Variants in SLC39A11 observed in about 807,000 individuals in gnomAD.
SLC39A11 encodes solute carrier family 39 member 11.
Under a neutral mutation model 36.1 loss-of-function variants are expected in SLC39A11, and 33 were observed. The observed-to-expected ratio is 0.91, with a 90% CI of 0.69 to 1.22. SLC39A11 has a LOEUF of 1.22. Ranked by LOEUF, SLC39A11 falls within the 50% of genes most tolerant of loss-of-function variation. The probability of loss-of-function intolerance (pLI) is 0.00; values close to 1 mark genes in which losing one functional copy is unlikely to be tolerated. For synonymous variants in SLC39A11, 166 were observed against 170.3 expected, an observed-to-expected ratio of 0.97 and a Z score of 0.20; for missense variants, 432 against 430.3, an observed-to-expected ratio of 1.00 and a Z score of -0.03.
At chr17:72,895,257 G>A (rs1485564982) in intron 5 of SLC39A11, among the ~76,000 whole-genome samples, 1 of 152,128 alleles carries the variant, frequency 6.6e-6, no homozygotes, top group East Asian at 1.9e-4. Flanking sequence ...TGCACAGGAA[G>A]AAGAAAACAG....
chr17:72,934,352 C>G (rs1451736898), intron 5 of SLC39A11, among the ~76,000 whole-genome samples: 3 of 152,078 alleles, frequency 2.0e-5, no homozygotes, highest in Non-Finnish European at 4.4e-5. Flanking sequence ...GACAAAGGTC[C>G]TCTATGCAGA....
chr17:72,981,343 A>G (rs983998566), intron 4 of SLC39A11, among the ~76,000 whole-genome samples: 5 of 152,114 alleles, frequency 3.3e-5, no homozygotes, highest in African/African-American at 1.2e-4. Flanking sequence ...TTTATTATTC[A>G]CCTTAGGACT....
rs71359751 is a variant in SLC39A11 at position 72,955,298 on chromosome 17, CTT to C, written c.307-7425_307-7424del. On this transcript the variant is annotated intron_variant, in intron 4 of 9. Coordinates refer to ENST00000255559, the MANE Select transcript of SLC39A11 (RefSeq NM_139177.4). ...GAATAGGCTTTAACTTTTCAGTTCT[CTT>C]TTTTTTTTTTTTTTTTTTGTTTGAG... 1.2e-3 allele frequency among the ~76,000 whole-genome samples: 78 copies of C among 65,572 alleles called. 2 individuals are homozygous for C. In the South Asian group the frequency reaches 0.028, roughly 23 times the overall value. The allele number at this position is 65,572 out of a possible 152,430, so 43.0% of individuals were successfully genotyped here.
At chr17:72,922,985 A>G (rs868401658) in intron 5 of SLC39A11, among the ~76,000 whole-genome samples, 2 of 149,310 alleles carry the variant, frequency 1.3e-5, no homozygotes, top group African/African-American at 2.5e-5. Flanking sequence ...AAAAAAAAAA[A>G]AAAAACACAC....
intron 7 of SLC39A11, among the ~76,000 whole-genome samples, chr17:72,687,225 C>T (rs1567946398): frequency 6.6e-6 from 1 of 151,372 alleles, no homozygotes; most frequent in African/African-American, 2.4e-5. Flanking sequence ...GACACAGGGT[C>T]TCACTACGTT....
chr17:72,724,711 T>C (rs2073850615), intron 7 of SLC39A11, among the ~76,000 whole-genome samples: 1 of 152,034 alleles, frequency 6.6e-6, no homozygotes, highest in Admixed American at 6.5e-5. Context: ...AGGGATTTTC[T>C]GCCAAGTGCA....
intron 5 of SLC39A11, among the ~76,000 whole-genome samples, chr17:72,910,079 A>G (rs2082900922): frequency 6.6e-6 from 1 of 152,080 alleles, no homozygotes; most frequent in African/African-American, 2.4e-5. Context: ...CAGTTACAGC[A>G]GAAGGTTGGA....
Position 72,836,397 on chromosome 17 carries a change from G to A in SLC39A11, c.601+13237C>T, listed in dbSNP as rs1455133660. On this transcript the variant is annotated intron_variant, in intron 6 of 9. Coordinates refer to ENST00000255559, the MANE Select transcript of SLC39A11 (RefSeq NM_139177.4). ...GCTCTGTTACCCAGGCTGGAGTGCA[G>A]CGGCACGATCTCAGTTTTCTGCAGC... 4.0e-5 allele frequency among the ~76,000 whole-genome samples: 6 copies of A among 151,530 alleles called. No individual in the cohort carries two copies. The East Asian group carries it at 7.8e-4, about 20-fold the overall frequency.
rs185185478 is a variant in SLC39A11 at position 72,659,979 on chromosome 17, G to A, written c.672-10711C>T. Among the ~76,000 whole-genome samples the A allele has an allele frequency of 7.0e-4, 106 of 152,216 alleles. No individual in the cohort carries two copies. The Middle Eastern group carries it at 0.017, about 24-fold the overall frequency. On this transcript the variant is annotated intron_variant, in intron 7 of 9. Transcript: ENST00000255559. ...GTTAAACACCCCAGCCATACCTCAGGTGTTTTCCAAGGCCGGAGTGCGAAG... is the reference window on the plus strand; with the variant it reads ...GTTAAACACCCCAGCCATACCTCAGATGTTTTCCAAGGCCGGAGTGCGAAG...
At chr17:73,000,932 G>A (rs1051060474) in intron 4 of SLC39A11, among the ~76,000 whole-genome samples, 2 of 152,138 alleles carry the variant, frequency 1.3e-5, no homozygotes, top group African/African-American at 4.8e-5. Flanking sequence ...CTATTGTTGT[G>A]AGCTTTACCC....
chr17:72,699,017 G>A (rs1254579463), intron 7 of SLC39A11, among the ~76,000 whole-genome samples: 1 of 152,082 alleles, frequency 6.6e-6, no homozygotes, highest in East Asian at 1.9e-4. Flanking sequence ...TTTTAGTAGA[G>A]ACGGGGTTTC....
intron 4 of SLC39A11, among the ~76,000 whole-genome samples, chr17:72,972,137 C>T (rs1002541848): frequency 3.9e-5 from 6 of 152,148 alleles, no homozygotes; most frequent in Non-Finnish European, 8.8e-5. Context: ...CACAGCCACT[C>T]AAATCTAAAT....
intron 5 of SLC39A11, among the ~76,000 whole-genome samples, chr17:72,853,896 A>G (rs2079501237): frequency 6.6e-6 from 1 of 152,190 alleles, no homozygotes; most frequent in Non-Finnish European, 1.5e-5. Context: ...GCAATTGCCA[A>G]GCACCTTGTG....
intron 2 of SLC39A11, among the ~76,000 whole-genome samples, chr17:73,085,131 G>C (rs1001008368): frequency 6.6e-6 from 1 of 152,152 alleles, no homozygotes; most frequent in African/African-American, 2.4e-5. Flanking sequence ...AATTACAACT[G>C]TAAACCTTTA....
chr17:72,712,760 AG>A (rs1196265355), intron 7 of SLC39A11: 1 of 152,218 alleles, frequency 6.6e-6, no homozygotes, highest in East Asian at 1.9e-4. Flanking sequence ...GTATTTTACT[AG>A]ACAACAGAGT....
chr17:72,718,401 T>G (rs182639673), intron 7 of SLC39A11, among the ~76,000 whole-genome samples: 62 of 152,280 alleles, frequency 4.1e-4, no homozygotes, highest in African/African-American at 1.4e-3. Flanking sequence ...ATCAGGCCAC[T>G]GCACCCCAGC....
At chr17:72,809,523 G>A (rs2077370167) in intron 6 of SLC39A11, among the ~76,000 whole-genome samples, 1 of 152,012 alleles carries the variant, frequency 6.6e-6, no homozygotes, top group South Asian at 2.1e-4. Context: ...GCAATCACCT[G>A]GACTCCATCT....
chr17:73,042,303 T>A lies in SLC39A11; in HGVS notation c.148-10589A>T, dbSNP rs980378042. Among the ~76,000 whole-genome samples, 3 of 152,270 alleles carry A rather than the reference T, an allele frequency of 2.0e-5. No individual in the cohort carries two copies. In the South Asian group the frequency reaches 6.2e-4, roughly 32 times the overall value. On this transcript the variant is annotated intron_variant, in intron 3 of 9. Transcript: ENST00000255559. ...GCTCACTTACAATGCACTGAATGTG[T>A]CAACTCTTCACACCTCTAAAAAGGT...
intron 3 of SLC39A11, among the ~76,000 whole-genome samples, chr17:73,076,157 G>C (rs1334812537): frequency 2.8e-5 from 4 of 144,962 alleles, no homozygotes; most frequent in Non-Finnish European, 4.5e-5. Flanking sequence ...TCATGCCTCA[G>C]GCAAAAAAAA....
Sources: gnomAD v4.1 joint callset for allele counts (sites outside exome capture counted in the v4.1 genomes callset) on GRCh38, gnomAD v4.1.1 for gene constraint, MANE v1.5 for transcripts, NCBI Gene and HGNC (gene_info 2026-07-23, HGNC 2026-07-21) for gene names.